The following TOX variants were observed in gnomAD, a reference collection of about 807,000 sequenced individuals.
TOX encodes the protein thymocyte selection associated high mobility group box, also known as thymocyte selection-associated high mobility group box protein TOX.
TOX carries 11 observed loss-of-function variants against 53.7 expected under a neutral mutation model. The observed-to-expected ratio is 0.20, with a 90% CI of 0.13 to 0.34. The LOEUF (loss-of-function observed/expected upper bound fraction) is 0.34, where lower values mean the gene tolerates loss of function less well. Among genes scored for constraint, TOX ranks in the 10% least tolerant of loss-of-function variants. The probability of loss-of-function intolerance (pLI) is 1.00; values close to 1 mark genes in which losing one functional copy is unlikely to be tolerated. For missense variants in TOX, 570 were observed against 664.6 expected, an observed-to-expected ratio of 0.86 and a Z score of 1.56; for synonymous variants, 225 against 245.3, an observed-to-expected ratio of 0.92 and a Z score of 0.77.
chr8:58,924,829 C>T (rs956316289), intron 3 of TOX, among the ~76,000 whole-genome samples: 5 of 152,144 alleles, frequency 3.3e-5, no homozygotes, highest in Admixed American at 6.5e-5. Flanking sequence ...TTTCTCTGGC[C>T]TCTTCAGGAA....
intron 3 of TOX, among the ~76,000 whole-genome samples, chr8:58,873,814 C>A (rs1221795990): frequency 6.6e-6 from 1 of 151,908 alleles, no homozygotes; most frequent in East Asian, 1.9e-4. Flanking sequence ...AGGGAGACTC[C>A]ATTTAGCTGT....
intron 6 of TOX, among the ~76,000 whole-genome samples, chr8:58,819,509 TG>T (rs1810236976): frequency 6.6e-6 from 1 of 152,184 alleles, no homozygotes. Flanking sequence ...AGCCATAAAG[TG>T]GGGGTCGTGG....
intron 1 of TOX, among the ~76,000 whole-genome samples, chr8:58,979,456 A>T (rs921354624): frequency 2.4e-4 from 36 of 152,196 alleles, no homozygotes; most frequent in African/African-American, 8.4e-4. Flanking sequence ...AACAAATAGA[A>T]TTCTTTTTGT....
intron 3 of TOX, among the ~76,000 whole-genome samples, chr8:58,853,678 T>A (rs1585861499): frequency 6.6e-6 from 1 of 152,322 alleles, no homozygotes; most frequent in East Asian, 1.9e-4. Context: ...TACTTAAAAA[T>A]GCATTTTCAA....
Position 58,939,097 on chromosome 8 carries a change from C to A in TOX, c.411+205G>T, listed in dbSNP as rs112818275. On this transcript the variant is annotated intron_variant, in intron 3 of 8. Coordinates refer to ENST00000361421, the MANE Select transcript of TOX (RefSeq NM_014729.3). ...TTTGGGTCATAAATACGAGTGACTG[C>A]ACAAGTAATTAATTGATTTTACCTT... 6.1e-3 allele frequency among the ~76,000 whole-genome samples: 936 copies of A among 152,308 alleles called. 6 individuals carry two copies. Among genetic ancestry groups the A allele is most frequent in the African/African-American group, 0.022 (896 of 41,560 alleles).
At chr8:58,952,749 C>T (rs543131975) in intron 2 of TOX, among the ~76,000 whole-genome samples, 1 of 152,312 alleles carries the variant, frequency 6.6e-6, no homozygotes, top group East Asian at 1.9e-4. Context: ...TTCCCTAATA[C>T]TTGACAAAAC....
At chr8:58,820,657 A>C (rs776788719) in intron 6 of TOX, among the ~76,000 whole-genome samples, 4 of 152,144 alleles carry the variant, frequency 2.6e-5, no homozygotes, top group Admixed American at 6.5e-5. Context: ...TATCTGGGTG[A>C]TGTTTGGGGA....
At chr8:59,054,675 C>T (rs563064045) in intron 1 of TOX, among the ~76,000 whole-genome samples, 64 of 151,880 alleles carry the variant, frequency 4.2e-4, no homozygotes, top group Non-Finnish European at 7.5e-4. Flanking sequence ...AAGGAAGTTT[C>T]CTCGCCACAA....
intron 3 of TOX, among the ~76,000 whole-genome samples, chr8:58,918,729 A>C (rs1447490503): frequency 4.4e-5 from 3 of 68,562 alleles, no homozygotes; most frequent in African/African-American, 6.2e-5. Context: ...AGAAGGAAAT[A>C]AAGGGTATTC....
At chr8:58,954,444 C>T (rs1397980232) in intron 2 of TOX, among the ~76,000 whole-genome samples, 1 of 152,156 alleles carries the variant, frequency 6.6e-6, no homozygotes, top group South Asian at 2.1e-4. Flanking sequence ...AGACATTATT[C>T]CAGGCACAGG....
chr8:58,821,573 C>T (rs1488119207), intron 6 of TOX, among the ~76,000 whole-genome samples: 1 of 152,014 alleles, frequency 6.6e-6, no homozygotes, highest in Non-Finnish European at 1.5e-5. Context: ...TTGAGGAATG[C>T]TTTCTGCCTG....
rs1427197509 is a variant in TOX at position 58,939,316 on chromosome 8, T to C, written c.397A>G (p.Asn133Asp). The C allele has an allele frequency of 3.1e-6, 5 of 1,613,984 alleles. No homozygotes were observed. Among genetic ancestry groups the C allele is most frequent in the Non-Finnish European group, 3.4e-6 (4 of 1,179,976 alleles). ...CAGATTCTTACCACAGAAATGGAATTAGAAAGCAGTGTTCCATCCTGGCCC... is the reference window on the plus strand; with the variant it reads ...CAGATTCTTACCACAGAAATGGAATCAGAAAGCAGTGTTCCATCCTGGCCC... ...MLGQDGTLLS[N>D]SISVMPDIRN... The change falls in exon 3 of 9, where the codon AAT (asparagine) becomes GAT (aspartate). Residue 133 changes from asparagine (N) to aspartate (D), a missense_variant. This residue lies in a region of TOX where 282 missense variants were observed against 315.0 expected (regional missense o/e 0.90). Coordinates refer to ENST00000361421, the MANE Select transcript of TOX (RefSeq NM_014729.3).
chr8:58,971,663 T>C (rs1275500873), intron 1 of TOX, among the ~76,000 whole-genome samples: 1 of 145,144 alleles, frequency 6.9e-6, no homozygotes, highest in Non-Finnish European at 1.5e-5. Flanking sequence ...AGGTCTTTAA[T>C]ATGGAAAGTT....
intron 3 of TOX, among the ~76,000 whole-genome samples, chr8:58,857,272 G>A (rs924681023): frequency 2.0e-5 from 3 of 152,082 alleles, no homozygotes; most frequent in African/African-American, 7.2e-5. Context: ...TCATGTGTGT[G>A]TTCCTCATTT....
At chr8:59,000,379 A>AG (rs1813668652) in intron 1 of TOX, among the ~76,000 whole-genome samples, 2 of 152,188 alleles carry the variant, frequency 1.3e-5, no homozygotes, top group African/African-American at 4.8e-5. Flanking sequence ...AGTATATATA[A>AG]AAGAGGTGCT....
At chr8:59,098,642 G>T (rs953808527) in intron 1 of TOX, among the ~76,000 whole-genome samples, 1 of 152,108 alleles carries the variant, frequency 6.6e-6, no homozygotes, top group Non-Finnish European at 1.5e-5. Context: ...TAATAATGAT[G>T]ATAAATCTGT....
At chr8:58,871,354 A>G in intron 3 of TOX, among the ~76,000 whole-genome samples, 1 of 152,152 alleles carries the variant, frequency 6.6e-6, no homozygotes, top group Non-Finnish European at 1.5e-5. Flanking sequence ...GGCATTTATC[A>G]AAACCTTTAG....
intron 1 of TOX, among the ~76,000 whole-genome samples, chr8:58,974,796 C>A (rs192008029): frequency 5.2e-4 from 79 of 151,884 alleles, no homozygotes; most frequent in African/African-American, 1.8e-3. Flanking sequence ...TCCTTTCATG[C>A]GAAAAACTAA....
At chr8:59,094,333 C>A (rs1207759622) in intron 1 of TOX, among the ~76,000 whole-genome samples, 1 of 151,898 alleles carries the variant, frequency 6.6e-6, no homozygotes, top group African/African-American at 2.4e-5. Flanking sequence ...TACATAACTA[C>A]AATATTAAAT....
Sources: gnomAD v4.1 joint callset for allele counts (sites outside exome capture counted in the v4.1 genomes callset) on GRCh38, gnomAD v4.1.1 for gene constraint, gnomAD v4.1.1 regional missense constraint, MANE v1.5 for transcripts, NCBI Gene and HGNC (gene_info 2026-07-23, HGNC 2026-07-21) for gene names.